Variants in CR1L observed in about 807,000 individuals in gnomAD.
The protein encoded by CR1L is complement component receptor 1-like protein.
CR1L carries 59 observed loss-of-function variants against 62.3 expected under a neutral mutation model. That is an observed-to-expected ratio of 0.95 (90% CI 0.77 to 1.18). The LOEUF is 1.18. Among genes scored for constraint, CR1L ranks in the 50% most tolerant of loss-of-function variants. CR1L has a pLI of 0.00. For missense variants in CR1L, 700 were observed against 702.8 expected (o/e 1.00, Z 0.04); for synonymous variants, 279 against 248.7 (o/e 1.12, Z -1.15).
chr1:207,712,018 A>G lies in CR1L; in HGVS notation c.1414+3755A>G, dbSNP rs372936001. On this transcript the variant is annotated intron_variant, in intron 10 of 11. Coordinates refer to ENST00000508064, the MANE Select transcript of CR1L (RefSeq NM_175710.2). ...CTCATATGTTGCTGACTCTGGGCAC[A>G]TTGCCTGTGAGTTAGCCCTGCTCTG... Among the ~76,000 whole-genome samples the G allele has an allele frequency of 8.5e-5, 13 of 152,348 alleles. No individual in the cohort carries two copies. The South Asian group carries it at 2.5e-3, about 29-fold the overall frequency.
At chr1:207,702,818 C>G (rs1385480068) in intron 9 of CR1L, among the ~76,000 whole-genome samples, 1 of 152,218 alleles carries the variant, frequency 6.6e-6, no homozygotes, top group Non-Finnish European at 1.5e-5. Context: ...CACTGTGGCT[C>G]ATGCCTGTAA....
chr1:207,668,769 T>G (rs1246828890), intron 1 of CR1L, among the ~76,000 whole-genome samples: 1 of 151,054 alleles, frequency 6.6e-6, no homozygotes, highest in Non-Finnish European at 1.5e-5. Flanking sequence ...AATTGTCCAC[T>G]TTATCCACCC....
At chr1:207,695,257 C>T (rs1664059286) in intron 5 of CR1L, among the ~76,000 whole-genome samples, 1 of 152,138 alleles carries the variant, frequency 6.6e-6, no homozygotes. Flanking sequence ...TCCCAAGCAG[C>T]TGGGACTACA....
intron 1 of CR1L, among the ~76,000 whole-genome samples, chr1:207,646,126 G>T (rs576567756): frequency 6.6e-6 from 1 of 151,502 alleles, no homozygotes; most frequent in East Asian, 1.9e-4. Context: ...CTTTTTTGGG[G>T]GGTGGGTGGG....
intron 1 of CR1L, among the ~76,000 whole-genome samples, chr1:207,676,437 T>C (rs776547427): frequency 5.3e-5 from 8 of 152,094 alleles, no homozygotes; most frequent in African/African-American, 2.4e-5. Context: ...TAGATTCTCA[T>C]AGGAGCAGAA....
intron 1 of CR1L, among the ~76,000 whole-genome samples, chr1:207,653,937 A>G (rs1283029423): frequency 6.6e-6 from 1 of 152,196 alleles, no homozygotes; most frequent in Non-Finnish European, 1.5e-5. Flanking sequence ...ACATGCTGGA[A>G]AGTGAAAGGG....
At chr1:207,720,376 G>A (rs1654106620) in intron 11 of CR1L, among the ~76,000 whole-genome samples, 1 of 152,196 alleles carries the variant, frequency 6.6e-6, no homozygotes, top group African/African-American at 2.4e-5. Context: ...ACTTGGGATA[G>A]ATTGCTTAAG....
chr1:207,658,352 G>A (rs1407296875), intron 1 of CR1L: 3 of 151,008 alleles, frequency 2.0e-5, no homozygotes. Flanking sequence ...TTGCTACTTG[G>A]AGATCAATAA....
chr1:207,685,407 A>T (rs959279934), intron 4 of CR1L, among the ~76,000 whole-genome samples: 14 of 152,222 alleles, frequency 9.2e-5, no homozygotes, highest in African/African-American at 3.4e-4. Context: ...GTCAGACTTC[A>T]ATTCACTTGA....
intron 3 of CR1L, among the ~76,000 whole-genome samples, chr1:207,681,409 T>C (rs1425946005): frequency 6.6e-6 from 1 of 152,248 alleles, no homozygotes; most frequent in African/African-American, 2.4e-5. Flanking sequence ...TGAGAGTCCC[T>C]GGCTCTCCTT....
chr1:207,715,508 A>C, intron 10 of CR1L: 1 of 586,428 alleles, frequency 1.7e-6, no homozygotes, highest in Admixed American at 3.1e-5. Context: ...TTACTGATTA[A>C]AATACTTCTC....
At chr1:207,714,311 A>G (rs116366681) in intron 10 of CR1L, among the ~76,000 whole-genome samples, 4,551 of 152,340 alleles carry the variant, frequency 0.03, 241 homozygotes, top group African/African-American at 0.1. Flanking sequence ...GGTGGGCACA[A>G]CAGTGCAAAA....
At chr1:207,710,821 G>C in intron 10 of CR1L, 1 of 1,487,086 alleles carries the variant, frequency 6.7e-7, no homozygotes, top group Non-Finnish European at 9.4e-7. Context: ...CCCTGCAAGT[G>C]ACATGCATTG....
chr1:207,701,617 G>C lies in CR1L; in HGVS notation c.1327G>C (p.Gly443Arg). The change falls in exon 9 of 12, where the codon GGG becomes CGG. Residue 443 changes from glycine (G) to arginine (R), a missense_variant and splice_region_variant. Physicochemically the swap from Gly to Arg is moderately radical, Grantham distance 125. Coordinates refer to ENST00000508064, the MANE Select transcript of CR1L (RefSeq NM_175710.2). The stretch of plus-strand genomic sequence containing the variant: ...CAGAATCAACTATTCTTGTACTACA[G>C]GGTGAGTTGGCAGCAACATCTCTTG... ...GSRINYSCTT[G>R]HRLIGHSSAE... 1 of 1,613,690 alleles carries C rather than the reference G, an allele frequency of 6.2e-7. No individual in the cohort carries two copies. Among genetic ancestry groups the C allele is most frequent in the Non-Finnish European group, 8.5e-7 (1 of 1,179,674 alleles).
At chr1:207,707,224 C>T (rs1277484484) in intron 9 of CR1L, among the ~76,000 whole-genome samples, 3 of 152,158 alleles carry the variant, frequency 2.0e-5, no homozygotes, top group Non-Finnish European at 4.4e-5. Flanking sequence ...ATGCATTTGT[C>T]TCTGTCATCG....
intron 1 of CR1L, among the ~76,000 whole-genome samples, chr1:207,666,009 C>T (rs1663516960): frequency 6.6e-6 from 1 of 152,158 alleles, no homozygotes; most frequent in Non-Finnish European, 1.5e-5. Context: ...TAGTTTTCTA[C>T]CTAAAGCATC....
At chr1:207,648,208 C>CACACAG (rs1553240821) in intron 1 of CR1L, among the ~76,000 whole-genome samples, 105 of 53,880 alleles carry the variant, frequency 1.9e-3, no homozygotes, top group African/African-American at 6.7e-3. Flanking sequence ...CACACACAGA[C>CACACAG]ACACACACAC....
At chr1:207,646,710 C>CA (rs34443417) in intron 1 of CR1L, among the ~76,000 whole-genome samples, 12,558 of 64,676 alleles carry the variant, frequency 0.19, 1,844 homozygotes, top group Middle Eastern at 0.29. Flanking sequence ...GACCCTGTCT[C>CA]AAAAAAAAAA....
At chr1:207,664,825 G>A (rs1414274375) in intron 1 of CR1L, among the ~76,000 whole-genome samples, 1 of 152,118 alleles carries the variant, frequency 6.6e-6, no homozygotes, top group Admixed American at 6.5e-5. Context: ...TCAGTAAGAG[G>A]AAGAATAAAT....
Sources: gnomAD v4.1 joint callset for allele counts (sites outside exome capture counted in the v4.1 genomes callset) on GRCh38, gnomAD v4.1.1 for gene constraint, MANE v1.5 for transcripts, NCBI Gene and HGNC (gene_info 2026-07-23, HGNC 2026-07-21) for gene names.